The following AKR1C3 variants were observed in gnomAD, a reference collection of about 807,000 sequenced individuals.
The protein encoded by AKR1C3 is 3-alpha hydroxysteroid dehydrogenase, type II.
AKR1C3 carries 48 observed loss-of-function variants against 43.6 expected under a neutral mutation model. That is an observed-to-expected ratio of 1.10 (90% CI 0.87 to 1.40). The LOEUF is 1.40. AKR1C3 is among the 40% of genes most tolerant of loss of function. The probability of loss-of-function intolerance (pLI) is 0.00; values close to 1 mark genes in which losing one functional copy is unlikely to be tolerated. For synonymous variants in AKR1C3, 162 were observed against 139.6 expected, an observed-to-expected ratio of 1.16 and a Z score of -1.13; for missense variants, 482 against 391.2, an observed-to-expected ratio of 1.23 and a Z score of -1.96.
At chr10:5,057,696 T>C (rs1454082081) in intron 1 of AKR1C3, among the ~76,000 whole-genome samples, 1 of 152,174 alleles carries the variant, frequency 6.6e-6, no homozygotes, top group African/African-American at 2.4e-5. Flanking sequence ...CCAGTCCCCA[T>C]GATCTGAGTC....
chr10:5,049,064 G>C (rs79629670), intron 1 of AKR1C3, among the ~76,000 whole-genome samples: 5,626 of 152,202 alleles, frequency 0.037, 365 homozygotes, highest in African/African-American at 0.13. Context: ...GTCAACCTTT[G>C]TTGTGCATAG....
rs782426441 is a variant in AKR1C3 at position 5,098,898 on chromosome 10, G to A, written c.447+19G>A. Reference sequence around the variant, plus strand: ...CTGGGAGGTGAGTGCTTGGCGGAGAGGACACAGAGAAGGATGACAAAAAGA... The same window carrying A: ...CTGGGAGGTGAGTGCTTGGCGGAGAAGACACAGAGAAGGATGACAAAAAGA... On this transcript the variant is annotated intron_variant, in intron 4 of 8. Coordinates refer to ENST00000380554, the MANE Select transcript of AKR1C3 (RefSeq NM_003739.6). 22 of 1,586,638 alleles carry A rather than the reference G, an allele frequency of 1.4e-5. No homozygotes were observed. In the East Asian group the frequency reaches 4.5e-4, roughly 32 times the overall value.
chr10:5,056,550 A>T (rs996995198), intron 1 of AKR1C3, among the ~76,000 whole-genome samples: 4 of 152,164 alleles, frequency 2.6e-5, no homozygotes, highest in African/African-American at 9.7e-5. Flanking sequence ...ATATTCTGTA[A>T]TCCTTTATGA....
chr10:5,077,548 C>A, intron 1 of AKR1C3: 1 of 460,296 alleles, frequency 2.2e-6, no homozygotes, highest in Non-Finnish European at 2.9e-6. Context: ...TATGGAAATG[C>A]AAGGTTTGTC....
chr10:5,096,736 AATG>A (rs1360078102), intron 2 of AKR1C3, among the ~76,000 whole-genome samples, 159 bp downstream of exon 2: 1 of 152,164 alleles, frequency 6.6e-6, no homozygotes, highest in Non-Finnish European at 1.5e-5. Flanking sequence ...AAAATCAAGG[AATG>A]ATGATCACTT....
chr10:5,105,513 G>A (rs34936429), intron 7 of AKR1C3, 82 bp from the exon 8 acceptor site: 4 of 1,048,836 alleles, frequency 3.8e-6, no homozygotes, highest in East Asian at 2.6e-5. Flanking sequence ...TTTAAGTATT[G>A]TCTCTGCACC....
At chr10:5,098,996 A>G in intron 4 of AKR1C3, 117 bp downstream of exon 4, 1 of 945,546 alleles carries the variant, frequency 1.1e-6, no homozygotes, top group Non-Finnish European at 1.6e-6. Context: ...CAGAAACTTT[A>G]CAAGAGTAGC....
At chr10:5,051,926 C>T (rs1554778974) in intron 1 of AKR1C3, among the ~76,000 whole-genome samples, 1 of 152,150 alleles carries the variant, frequency 6.6e-6, no homozygotes, top group Admixed American at 6.5e-5. Context: ...TTCTTTCTTT[C>T]TGACTCATTA....
intron 1 of AKR1C3, among the ~76,000 whole-genome samples, chr10:5,086,632 G>T (rs1215113806): frequency 6.6e-6 from 1 of 152,010 alleles, no homozygotes; most frequent in Non-Finnish European, 1.5e-5. Context: ...GGGTATCCTT[G>T]TTAACTTTCT....
At chr10:5,062,967 C>T (rs1353307129) in intron 1 of AKR1C3, among the ~76,000 whole-genome samples, 1 of 151,990 alleles carries the variant, frequency 6.6e-6, no homozygotes, top group Non-Finnish European at 1.5e-5. Context: ...GACCTCCAAT[C>T]CCTGATTCAT....
chr10:5,052,458 TG>T (rs554731373), intron 1 of AKR1C3, among the ~76,000 whole-genome samples: 47 of 152,294 alleles, frequency 3.1e-4, no homozygotes, highest in African/African-American at 1.1e-3. Context: ...ATTGTTCCAT[TG>T]TACAGAGAGC....
chr10:5,060,781 G>T (rs1184635146), intron 1 of AKR1C3, among the ~76,000 whole-genome samples: 1 of 136,704 alleles, frequency 7.3e-6, no homozygotes, highest in Non-Finnish European at 1.6e-5. Context: ...GGAGCCCACA[G>T]AGGTGGGGAG....
At chr10:5,096,263 GGA>G in intron 1 of AKR1C3, 145 bp from the exon 2 acceptor site, 1 of 964,592 alleles carries the variant, frequency 1.0e-6, no homozygotes, top group Non-Finnish European at 1.5e-6. Context: ...TTACTAACCA[GGA>G]AAGACTCAGG....
chr10:5,086,016 C>G (rs1838956943), intron 1 of AKR1C3, among the ~76,000 whole-genome samples: 1 of 151,646 alleles, frequency 6.6e-6, no homozygotes, highest in African/African-American at 2.4e-5. Context: ...TTGATCTTTT[C>G]AAAAAACCAG....
chr10:5,096,591 G>T lies in AKR1C3; in HGVS notation c.252+14G>T, dbSNP rs1223230468. ...TACACTTCAAAGGTACTGTGTCTAT[G>T]ATGAGCTTGTGTGCACATGTATTTA... On this transcript the variant is annotated intron_variant, in intron 2 of 8. Coordinates refer to ENST00000380554, the MANE Select transcript of AKR1C3 (RefSeq NM_003739.6). 1.2e-6 allele frequency: 2 copies of T among 1,610,900 alleles called. No individual in the cohort carries two copies. Among genetic ancestry groups the T allele is most frequent in the East Asian group, 4.5e-5 (2 of 44,868 alleles).
chr10:5,073,781 G>C (rs1554781548), intron 1 of AKR1C3, among the ~76,000 whole-genome samples: 2 of 152,140 alleles, frequency 1.3e-5, no homozygotes, highest in Admixed American at 1.3e-4. Context: ...GGTGCTTCTT[G>C]TTAGTAATTC....
intron 1 of AKR1C3, chr10:5,048,938 G>GCCTCTGGCTTTGC: frequency 6.5e-7 from 1 of 1,537,206 alleles, no homozygotes. Flanking sequence ...AAAGAGCAAA[G>GCCTCTGGCTTTGC]CCAGAATAAG....
At chr10:5,102,348 G>A (rs1487702043) in intron 6 of AKR1C3, 137 bp from the exon 7 acceptor site, 4 of 1,597,190 alleles carry the variant, frequency 2.5e-6, no homozygotes, top group Admixed American at 1.7e-5. Flanking sequence ...ACGAGATCTT[G>A]GATGATGCTG....
At chr10:5,070,249 A>C (rs1838590845) in intron 1 of AKR1C3, among the ~76,000 whole-genome samples, 1 of 152,206 alleles carries the variant, frequency 6.6e-6, no homozygotes, top group African/African-American at 2.4e-5. Context: ...CTTCTGCTGG[A>C]ATTTCTCCTG....
Sources: allele counts gnomAD v4.1 joint callset (sites outside exome capture counted in the v4.1 genomes callset), GRCh38; gene constraint gnomAD v4.1.1; transcripts MANE v1.5; gene names NCBI Gene and HGNC (gene_info 2026-07-23, HGNC 2026-07-21).